SOAT1: variants seen among roughly 807,000 people sequenced by gnomAD.
The protein encoded by SOAT1 is acyl-coenzyme A:cholesterol acyltransferase 1.
SOAT1 carries 55 observed loss-of-function variants against 69.5 expected under a neutral mutation model. The observed-to-expected ratio is 0.79, with a 90% CI of 0.64 to 0.99. The LOEUF (loss-of-function observed/expected upper bound fraction) is 0.99, where lower values mean the gene tolerates loss of function less well. Among genes scored for constraint, SOAT1 ranks in the 50% least tolerant of loss-of-function variants. SOAT1 has a pLI of 0.00. For missense variants in SOAT1, 580 were observed against 669.3 expected, an observed-to-expected ratio of 0.87 and a Z score of 1.47; for synonymous variants, 231 against 224.7, an observed-to-expected ratio of 1.03 and a Z score of -0.25.
In SOAT1 at chr1:179,358,150, CTT is replaced by C. The variant is rs955275327; in HGVS notation, c.*4511_*4512del. The C allele has an allele frequency of 2.0e-5, 3 of 152,156 alleles. No homozygotes were observed. The highest frequency in any genetic ancestry group is 1.3e-4 in the Admixed American group (2 of 15,270). 9.4% of individuals were successfully genotyped at this position (152,156 alleles called of 1,614,324 possible). A position where few individuals can be genotyped will look rare whatever the true frequency, so the allele number is the denominator to read the frequency against. ...CTTATATGTTTTTGGTAAAAAAAGA[CTT>C]TAATAGCTAATTTGGACTTCAGAAA... is the stretch of plus-strand genomic sequence containing the variant. On this transcript the variant is annotated 3_prime_UTR_variant, in exon 16 of 16. Coordinates refer to ENST00000367619, the MANE Select transcript of SOAT1 (RefSeq NM_003101.6).
chr1:179,342,106 T>C lies in SOAT1; in HGVS notation c.781-8T>C. 1 of 1,613,678 alleles carries C rather than the reference T, an allele frequency of 6.2e-7. No individual in the cohort carries two copies. Among genetic ancestry groups the C allele is most frequent in the Non-Finnish European group, 8.5e-7 (1 of 1,179,678 alleles). On this transcript the variant is annotated splice_region_variant and splice_polypyrimidine_tract_variant and intron_variant, in intron 7 of 15. Coordinates refer to ENST00000367619, the MANE Select transcript of SOAT1 (RefSeq NM_003101.6). ...TGAAGAGACATCTTTTTCCTCCTGC[T>C]TTTGTAGATTCGTTTTGTAATGAAG... is the stretch of plus-strand genomic sequence containing the variant.
intron 10 of SOAT1, 84 bp from the exon 11 acceptor site, chr1:179,344,863 C>T (rs1226893808): frequency 1.5e-6 from 2 of 1,305,954 alleles, no homozygotes; most frequent in African/African-American, 2.9e-5. Flanking sequence ...AGGGTCACAT[C>T]TGTACTTTCT....
chr1:179,349,169 C>T (rs976810958), intron 13 of SOAT1, among the ~76,000 whole-genome samples: 1 of 152,004 alleles, frequency 6.6e-6, no homozygotes, highest in African/African-American at 2.4e-5. Context: ...GTGTCTTTTG[C>T]TCTGAATTTT....
intron 15 of SOAT1, among the ~76,000 whole-genome samples, chr1:179,351,745 A>C: frequency 1.7e-5 from 1 of 58,814 alleles, no homozygotes; most frequent in Non-Finnish European, 2.9e-5. Flanking sequence ...TTTGAGACAG[A>C]GTCTCACTCT....
intron 2 of SOAT1, among the ~76,000 whole-genome samples, chr1:179,313,594 A>AT (rs1279661098): frequency 6.6e-6 from 1 of 150,538 alleles, no homozygotes; most frequent in Non-Finnish European, 1.5e-5. Context: ...GTATATATAT[A>AT]TTTTTTTTAG....
At chr1:179,301,964 TTTG>T (rs1390273183) in intron 1 of SOAT1, among the ~76,000 whole-genome samples, 1 of 152,180 alleles carries the variant, frequency 6.6e-6, no homozygotes, top group African/African-American at 2.4e-5. Context: ...TACCATTGAC[TTTG>T]TTATTAAATC....
intron 11 of SOAT1, among the ~76,000 whole-genome samples, 162 bp downstream of exon 11, chr1:179,345,238 T>C (rs191370313): frequency 6.6e-6 from 1 of 152,322 alleles, no homozygotes; most frequent in Admixed American, 6.5e-5. Context: ...TGAAGTATCC[T>C]TCATCCAGTC....
chr1:179,340,913 CGTT>C, intron 6 of SOAT1, 112 bp from the exon 7 acceptor site: 3 of 861,110 alleles, frequency 3.5e-6, no homozygotes, highest in Admixed American at 2.8e-5. Flanking sequence ...AGCGTATTAA[CGTT>C]GTGGTGTTTC....
chr1:179,349,007 T>C (rs1013345019), intron 13 of SOAT1, 65 bp downstream of exon 13: 1 of 863,826 alleles, frequency 1.2e-6, no homozygotes, highest in South Asian at 1.4e-5. Flanking sequence ...AAAGTATGAG[T>C]ATTATACAGC....
intron 10 of SOAT1, among the ~76,000 whole-genome samples, chr1:179,343,905 G>C (rs1166091008): frequency 2.0e-5 from 3 of 152,118 alleles, no homozygotes; most frequent in Non-Finnish European, 2.9e-5. Context: ...GGCAGATCGC[G>C]AGGTCAGGAG....
chr1:179,342,080 T>C (rs765647367), intron 7 of SOAT1, 34 bp from the exon 8 acceptor site: 1 of 1,612,886 alleles, frequency 6.2e-7, no homozygotes, highest in Non-Finnish European at 8.5e-7. Flanking sequence ...GAGACTTTCT[T>C]TGAAGAGACA....
chr1:179,312,607 CAA>C (rs1305652090), intron 2 of SOAT1, among the ~76,000 whole-genome samples: 1 of 152,180 alleles, frequency 6.6e-6, no homozygotes, highest in Non-Finnish European at 1.5e-5. Flanking sequence ...AGAACTGCAA[CAA>C]TAGTCTCCAG....
intron 3 of SOAT1, among the ~76,000 whole-genome samples, chr1:179,329,432 A>C (rs964270220): frequency 6.6e-6 from 1 of 152,316 alleles, no homozygotes; most frequent in East Asian, 1.9e-4. Flanking sequence ...ACGCCTTCTA[A>C]ATAAGTTTTT....
intron 2 of SOAT1, among the ~76,000 whole-genome samples, chr1:179,313,021 T>C (rs970478465): frequency 6.6e-6 from 1 of 152,218 alleles, no homozygotes; most frequent in Non-Finnish European, 1.5e-5. Context: ...GCAAAGGCAG[T>C]GACATGCATG....
chr1:179,350,559 T>C, intron 14 of SOAT1, 128 bp downstream of exon 14: 1 of 793,724 alleles, frequency 1.3e-6, no homozygotes, highest in Non-Finnish European at 2.0e-6. Flanking sequence ...AGTACTTCTT[T>C]ATCAGATGGT....
chr1:179,301,326 TC>T (rs769029172), intron 1 of SOAT1, among the ~76,000 whole-genome samples: 9 of 152,222 alleles, frequency 5.9e-5, no homozygotes, highest in Non-Finnish European at 1.3e-4. Flanking sequence ...ACCACTGCCT[TC>T]CTGAAAAACT....
In SOAT1 at chr1:179,339,533, T is replaced by C. The variant is rs374646446; in HGVS notation, c.485T>C (p.Ile162Thr). 1.3e-4 allele frequency: 213 copies of C among 1,604,524 alleles called. 1 individual carries two copies. The South Asian group carries it at 1.5e-3, about 11-fold the overall frequency. ...CTCAGCACACTTGTAGTAGATTACA[T>C]TGATGAAGGAAGGTAAGACAACAAA... ...FILSTLVVDY[I>T]DEGRLVLEFS... The change falls in exon 6 of 16, where the codon ATT becomes ACT. Residue 162 changes from isoleucine to threonine, a missense_variant. Ile to Thr is a moderately conservative substitution (Grantham distance 89). Transcript: ENST00000367619.
chr1:179,299,962 T>G (rs1008021736), intron 1 of SOAT1, among the ~76,000 whole-genome samples: 1 of 150,592 alleles, frequency 6.6e-6, no homozygotes, highest in Admixed American at 6.6e-5. Context: ...GGGGTTTCAC[T>G]GTATTAGCCA....
chr1:179,351,357 G>T lies in SOAT1; in HGVS notation c.1491G>T (p.Pro497=), dbSNP rs189625699. 5.0e-6 allele frequency: 8 copies of T among 1,614,042 alleles called. No individual in the cohort carries two copies. The highest frequency in any genetic ancestry group is 3.3e-4 in the Middle Eastern group (2 of 6,062). The part of the protein sequence containing the change: ...NFIVNDSRKK[P]IWNVLMWTSL... ...TTGTCAATGATAGTCGGAAAAAGCC[G>T]ATTTGGAATGTTCTGATGTGGACTT... is the stretch of plus-strand genomic sequence containing the variant. Residue 497 remains proline, a synonymous_variant, in exon 15 of 16, where the codon CCG becomes CCT. Coordinates refer to ENST00000367619, the MANE Select transcript of SOAT1 (RefSeq NM_003101.6).
Sources: gnomAD v4.1 joint callset for allele counts (sites outside exome capture counted in the v4.1 genomes callset) on GRCh38, gnomAD v4.1.1 for gene constraint, MANE v1.5 for transcripts, NCBI Gene and HGNC (gene_info 2026-07-23, HGNC 2026-07-21) for gene names.